The following PCDH11X variants were observed in gnomAD, a reference collection of about 807,000 sequenced individuals.
The protein encoded by PCDH11X is protocadherin 11 X-linked, also known as protocadherin-11 X-linked.
In PCDH11X, 18 loss-of-function variants were observed where a neutral mutation model predicts 53.3. The observed-to-expected ratio is 0.34, with a 90% CI of 0.23 to 0.50. PCDH11X has a LOEUF of 0.50. PCDH11X is among the 20% of genes least tolerant of loss of function. The pLI, the probability that PCDH11X is intolerant of heterozygous loss-of-function variation, is 0.98. For synonymous variants in PCDH11X, 279 were observed against 393.3 expected (o/e 0.71, Z 3.44); for missense variants, 570 against 1,032.4 (o/e 0.55, Z 6.14).
chrX:92,179,885 A>G (rs1012018129), intron 6 of PCDH11X, among the ~76,000 whole-genome samples: 1 of 111,830 alleles, frequency 8.9e-6, no homozygotes, highest in African/African-American at 3.3e-5. Flanking sequence ...TTCAGTGATC[A>G]GTTCTTATCT....
intron 9 of PCDH11X, among the ~76,000 whole-genome samples, chrX:92,413,063 G>A (rs1485126727): frequency 3.4e-5 from 3 of 87,642 alleles, no homozygotes; most frequent in Non-Finnish European, 6.6e-5. Flanking sequence ...AAGAAGATTT[G>A]CAGTGTCAAG....
At chrX:92,245,138 A>G (rs1434545904) in intron 7 of PCDH11X, among the ~76,000 whole-genome samples, 1 of 112,749 alleles carries the variant, frequency 8.9e-6, no homozygotes, top group Non-Finnish European at 1.9e-5. Flanking sequence ...TAGATACTTT[A>G]AGAGCTAAAT....
chrX:92,119,924 G>A (rs1272705724), intron 6 of PCDH11X, among the ~76,000 whole-genome samples: 2 of 110,117 alleles, frequency 1.8e-5, no homozygotes, highest in Admixed American at 2.0e-4. Flanking sequence ...CTTTTTGAGA[G>A]AAGAAATAGC....
intron 6 of PCDH11X, among the ~76,000 whole-genome samples, chrX:92,017,386 A>T (rs775035612): frequency 1.5e-3 from 163 of 110,139 alleles, no homozygotes; most frequent in Admixed American, 2.4e-3. Flanking sequence ...AAGAGCGCTG[A>T]TCACAGATTA....
intron 10 of PCDH11X, among the ~76,000 whole-genome samples, chrX:92,478,495 G>A (rs2073435934): frequency 4.5e-5 from 5 of 110,759 alleles, no homozygotes; most frequent in Admixed American, 3.9e-4. Context: ...ACTTTTAGAT[G>A]TGGGTATTTA....
intron 5 of PCDH11X, among the ~76,000 whole-genome samples, chrX:91,847,562 G>A (rs776973909): frequency 9.0e-6 from 1 of 110,866 alleles, no homozygotes; most frequent in Admixed American, 9.6e-5. Context: ...TGAAGGTCTC[G>A]TCTACCTTGA....
chrX:92,014,292 C>T (rs1429493263), intron 6 of PCDH11X, among the ~76,000 whole-genome samples: 1 of 112,140 alleles, frequency 8.9e-6, no homozygotes, highest in Non-Finnish European at 1.9e-5. Flanking sequence ...AAATGCTCAT[C>T]ATCACTGGCC....
intron 8 of PCDH11X, among the ~76,000 whole-genome samples, chrX:92,353,442 C>T (rs1409498129): frequency 9.0e-6 from 1 of 110,813 alleles, no homozygotes; most frequent in Non-Finnish European, 1.9e-5. Flanking sequence ...ACTAAAATTA[C>T]TTCTAATTTA....
chrX:92,464,359 C>A (rs1223166613), intron 9 of PCDH11X, among the ~76,000 whole-genome samples: 1 of 110,457 alleles, frequency 9.1e-6, no homozygotes, highest in Non-Finnish European at 1.9e-5. Flanking sequence ...GACAGTTACC[C>A]CCATACTGTT....
intron 10 of PCDH11X, among the ~76,000 whole-genome samples, chrX:92,559,501 C>CA (rs986479343): frequency 3.6e-5 from 4 of 110,012 alleles, no homozygotes; most frequent in Non-Finnish European, 7.6e-5. Flanking sequence ...TTTAAGTGAG[C>CA]AATCATAGTA....
rs533209925 is a variant in PCDH11X at position 92,086,513 on chromosome X, T to A, written c.3034-114862T>A. 6.3e-5 allele frequency among the ~76,000 whole-genome samples: 7 copies of A among 111,110 alleles called. No homozygotes were observed. The South Asian group carries it at 2.7e-3, about 42-fold the overall frequency. On this transcript the variant is annotated intron_variant, in intron 6 of 10. Transcript: ENST00000682573. ...CCTAATTGATAGTGTTTATGAAACG[T>A]TTGTCTATTGAAGATAAAAAAACTA...
chrX:91,884,630 T>C (rs1940113606), intron 6 of PCDH11X, among the ~76,000 whole-genome samples: 1 of 111,995 alleles, frequency 8.9e-6, no homozygotes, highest in East Asian at 2.8e-4. Context: ...GCCTCATATT[T>C]TGTGTACATT....
chrX:91,789,218 A>G (rs1398402249), intron 1 of PCDH11X, among the ~76,000 whole-genome samples: 15 of 107,512 alleles, frequency 1.4e-4, no homozygotes, highest in South Asian at 4.0e-4. Flanking sequence ...AAAAAAAAAA[A>G]AAAAAGAAAA....
At chrX:91,876,425 C>G (rs1939619546) in intron 5 of PCDH11X, among the ~76,000 whole-genome samples, 1 of 111,273 alleles carries the variant, frequency 9.0e-6, no homozygotes, top group South Asian at 3.7e-4. Flanking sequence ...TTTAAAAAAA[C>G]TTAAATAGCT....
At position 92,301,646 on chromosome X, in the gene PCDH11X, T is replaced by TTTTTGTTTTG. The variant is rs200383063; in HGVS notation, c.3144+38534_3144+38543dup. On this transcript the variant is annotated intron_variant, in intron 8 of 10. Transcript: ENST00000682573. ...TAGGAGTCTGGGTTCACTTTTTTGT[T>TTTTTGTTTTG]TTTTGTTTTGTTTTGTTTTGTTTTG... Among the ~76,000 whole-genome samples, 459 of 105,361 alleles carry TTTTTGTTTTG rather than the reference T, an allele frequency of 4.4e-3. 8 individuals carry two copies. The highest frequency in any genetic ancestry group is 0.014 in the African/African-American group (384 of 27,365). The allele number at this position is 105,361 out of a possible 115,157, so 91.5% of individuals were successfully genotyped here.
rs1310781759 is a variant in PCDH11X, at chrX:92,622,604, T to C, written c.*3664T>C. On this transcript the variant is annotated 3_prime_UTR_variant, in exon 11 of 11. Coordinates refer to ENST00000682573, the MANE Select transcript of PCDH11X (RefSeq NM_032968.5). ...TTAGGTAAACTTTTTATTATGACCATTAGAAACTATTTTGAATGCTTCCAA... is the reference window on the plus strand; with the variant it reads ...TTAGGTAAACTTTTTATTATGACCACTAGAAACTATTTTGAATGCTTCCAA... The C allele has an allele frequency of 9.0e-6, 1 of 111,131 alleles. No homozygotes were observed. The highest frequency in any genetic ancestry group is 1.9e-5 in the Non-Finnish European group (1 of 52,920). 9.2% of individuals were successfully genotyped at this position (111,131 alleles called of 1,213,427 possible).
chrX:92,277,313 C>T (rs1272530510), intron 8 of PCDH11X, among the ~76,000 whole-genome samples: 1 of 111,287 alleles, frequency 9.0e-6, no homozygotes, highest in East Asian at 2.8e-4. Context: ...TTATTTAGAT[C>T]CTGTAGGATG....
intron 7 of PCDH11X, among the ~76,000 whole-genome samples, chrX:92,217,822 A>T (rs2066755797): frequency 1.8e-5 from 2 of 111,515 alleles, no homozygotes; most frequent in African/African-American, 6.5e-5. Flanking sequence ...TCCTCAGCAA[A>T]TGTAAAAGAA....
rs1188614756 is a variant in PCDH11X at position 91,937,348 on chromosome X, G to A, written c.3033+58075G>A. ...CTTTTGCTTATGTTTTCTAAAATAAGCCTATCTAAAGAGTAAAATCAGAAT... is the reference window on the plus strand; with the variant it reads ...CTTTTGCTTATGTTTTCTAAAATAAACCTATCTAAAGAGTAAAATCAGAAT... On this transcript the variant is annotated intron_variant, in intron 6 of 10. Coordinates refer to ENST00000682573, the MANE Select transcript of PCDH11X (RefSeq NM_032968.5). Among the ~76,000 whole-genome samples the A allele has an allele frequency of 2.7e-5, 3 of 110,505 alleles. No individual in the cohort carries two copies. In the East Asian group the frequency reaches 8.6e-4, roughly 32 times the overall value.
Sources: allele counts gnomAD v4.1 joint callset (sites outside exome capture counted in the v4.1 genomes callset), GRCh38; gene constraint gnomAD v4.1.1; transcripts MANE v1.5; gene names NCBI Gene and HGNC (gene_info 2026-07-23, HGNC 2026-07-21).